CMSS1: variants seen among roughly 807,000 people sequenced by gnomAD.
The protein encoded by CMSS1 is protein CMSS1.
A neutral mutation model predicts 43.5 loss-of-function variants in CMSS1; 33 were observed. That is an observed-to-expected ratio of 0.76 (90% CI 0.57 to 1.01). The LOEUF (loss-of-function observed/expected upper bound fraction) is 1.01, where lower values mean the gene tolerates loss of function less well. Among genes scored for constraint, CMSS1 ranks in the 50% least tolerant of loss-of-function variants. The probability of loss-of-function intolerance (pLI) is 0.00; values close to 1 mark genes in which losing one functional copy is unlikely to be tolerated. For synonymous variants in CMSS1, 115 were observed against 117.2 expected, an observed-to-expected ratio of 0.98 and a Z score of 0.12; for missense variants, 313 against 326.4, an observed-to-expected ratio of 0.96 and a Z score of 0.32.
intron 1 of CMSS1, among the ~76,000 whole-genome samples, chr3:99,967,306 A>G (rs1383796930): frequency 3.9e-5 from 6 of 152,232 alleles, no homozygotes; most frequent in Admixed American, 2.0e-4. Context: ...TAGTGTTGGT[A>G]ATAATGCCTT....
intron 1 of CMSS1, chr3:99,924,174 C>T: frequency 7.0e-7 from 1 of 1,421,214 alleles, no homozygotes; most frequent in Non-Finnish European, 9.8e-7. Context: ...AGACCTGGTA[C>T]AGTGGCCAGC....
In CMSS1 at chr3:100,180,202, C is replaced by G. The variant is rs1467980199; in HGVS notation, c.*1814C>G. ...TTGGTGGGGCTGGGGAGGGCTGCCA[C>G]GAAGGTCTCTGAAGTGCCCTGGAGG... On this transcript the variant is annotated 3_prime_UTR_variant, in exon 10 of 10. Transcript: ENST00000421999. 6.6e-6 allele frequency: 1 copy of G among 152,234 alleles called. No individual in the cohort carries two copies. The highest frequency in any genetic ancestry group is 2.1e-4 in the South Asian group (1 of 4,830). The allele number at this position is 152,234 out of a possible 1,614,324, so 9.4% of individuals were successfully genotyped here.
At chr3:100,034,844 T>A (rs2065080045) in intron 1 of CMSS1, among the ~76,000 whole-genome samples, 1 of 152,214 alleles carries the variant, frequency 6.6e-6, no homozygotes. Flanking sequence ...GTAAACGGTA[T>A]ATACATACGA....
chr3:100,036,775 A>C (rs989370127), intron 1 of CMSS1, among the ~76,000 whole-genome samples: 2 of 152,100 alleles, frequency 1.3e-5, no homozygotes, highest in Non-Finnish European at 2.9e-5. Flanking sequence ...GGAGTAGAGA[A>C]GCCTGGTAGT....
At chr3:99,876,503 A>G (rs1217105060) in intron 1 of CMSS1, among the ~76,000 whole-genome samples, 4 of 152,222 alleles carry the variant, frequency 2.6e-5, no homozygotes, top group African/African-American at 9.6e-5. Flanking sequence ...TTGTTGCTTC[A>G]GGGACTTCAA....
At chr3:100,063,671 C>T (rs959558133) in intron 1 of CMSS1, among the ~76,000 whole-genome samples, 1 of 152,116 alleles carries the variant, frequency 6.6e-6, no homozygotes, top group Non-Finnish European at 1.5e-5. Context: ...TTAAATACCA[C>T]TTTTTAACTG....
intron 1 of CMSS1, among the ~76,000 whole-genome samples, chr3:99,993,724 A>T (rs1231511176): frequency 6.6e-6 from 1 of 152,130 alleles, no homozygotes; most frequent in Non-Finnish European, 1.5e-5. Flanking sequence ...TTCTGTGTAT[A>T]TTGAGATAAT....
chr3:99,842,053 A>T (rs938007135), intron 1 of CMSS1, among the ~76,000 whole-genome samples: 19 of 152,240 alleles, frequency 1.2e-4, no homozygotes, highest in Admixed American at 9.2e-4. Flanking sequence ...TGGCAGCACA[A>T]TTCGCAATTG....
intron 1 of CMSS1, among the ~76,000 whole-genome samples, chr3:100,138,670 A>G (rs763992126): frequency 6.6e-6 from 1 of 152,236 alleles, no homozygotes; most frequent in Non-Finnish European, 1.5e-5. Context: ...AATGGCAATT[A>G]TTAAAAAGTC....
chr3:100,134,724 T>C lies in CMSS1; in HGVS notation c.65-12249T>C, dbSNP rs534069786. Among the ~76,000 whole-genome samples, 13 of 152,294 alleles carry C rather than the reference T, an allele frequency of 8.5e-5. No individual in the cohort carries two copies. The South Asian group carries it at 2.7e-3, about 32-fold the overall frequency. On this transcript the variant is annotated intron_variant, in intron 1 of 9. Coordinates refer to ENST00000421999, the MANE Select transcript of CMSS1 (RefSeq NM_032359.4). ...TTGAACTCAATTAGGTTTAGGTTTT[T>C]TTGGAGGAGGGAGGCTGCCGGCCAC...
chr3:100,127,672 A>G (rs1484464680), intron 1 of CMSS1, among the ~76,000 whole-genome samples: 2 of 152,164 alleles, frequency 1.3e-5, no homozygotes, highest in Non-Finnish European at 2.9e-5. Flanking sequence ...TGGGACCATC[A>G]TCTCACTGCT....
At position 100,012,220 on chromosome 3, in the gene CMSS1, A is replaced by T. The variant is rs114320619; in HGVS notation, c.65-134753A>T. On this transcript the variant is annotated intron_variant, in intron 1 of 9. Coordinates refer to ENST00000421999, the MANE Select transcript of CMSS1 (RefSeq NM_032359.4). ...CCAAAAGGATAAAATATCTAAAATT[A>T]TTTGTTTTATATCTTTATACTAGAA... Among the ~76,000 whole-genome samples, 1,096 of 152,272 alleles carry T rather than the reference A, an allele frequency of 7.2e-3. 4 individuals are homozygous for T. Among genetic ancestry groups the T allele is most frequent in the African/African-American group, 1.0e-2 (415 of 41,546 alleles).
At chr3:100,120,628 T>C (rs2066611320) in intron 1 of CMSS1, among the ~76,000 whole-genome samples, 1 of 152,168 alleles carries the variant, frequency 6.6e-6, no homozygotes, top group African/African-American at 2.4e-5. Flanking sequence ...AACGTTGTCC[T>C]GTCTCTGTCG....
At chr3:100,106,307 T>C (rs2066394179) in intron 1 of CMSS1, among the ~76,000 whole-genome samples, 1 of 152,148 alleles carries the variant, frequency 6.6e-6, no homozygotes, top group Non-Finnish European at 1.5e-5. Context: ...GACTGAAAGC[T>C]CAGTCCTCTT....
rs112239795 is a variant in CMSS1, at chr3:100,150,558, C to G, written c.153+3497C>G. ...TTTGCCATAGCTGGGCCTCACATTT[C>G]TGTCGCTGAATACATGCCTCTAGTT... On this transcript the variant is annotated intron_variant, in intron 2 of 9. Coordinates refer to ENST00000421999, the MANE Select transcript of CMSS1 (RefSeq NM_032359.4). Among the ~76,000 whole-genome samples, 124 of 152,308 alleles carry G rather than the reference C, an allele frequency of 8.1e-4. 1 individual carries two copies. Among genetic ancestry groups the G allele is most frequent in the African/African-American group, 2.8e-3 (118 of 41,580 alleles).
At chr3:100,073,603 T>C (rs142768890) in intron 1 of CMSS1, among the ~76,000 whole-genome samples, 78 of 152,254 alleles carry the variant, frequency 5.1e-4, no homozygotes, top group African/African-American at 1.8e-3. Flanking sequence ...AATATCTTCA[T>C]TTAGCACATT....
intron 1 of CMSS1, among the ~76,000 whole-genome samples, chr3:99,973,629 G>T (rs1236816720): frequency 6.6e-6 from 1 of 152,138 alleles, no homozygotes; most frequent in Non-Finnish European, 1.5e-5. Context: ...CTATAGGTAA[G>T]TAAATAGATT....
At chr3:100,005,417 G>T (rs1009159215) in intron 1 of CMSS1, among the ~76,000 whole-genome samples, 7 of 152,244 alleles carry the variant, frequency 4.6e-5, no homozygotes, top group African/African-American at 1.7e-4. Flanking sequence ...ATCTCCTTGG[G>T]TGCTTATTAA....
intron 1 of CMSS1, among the ~76,000 whole-genome samples, chr3:99,928,552 G>T (rs143734042): frequency 2.0e-3 from 301 of 152,314 alleles, no homozygotes; most frequent in African/African-American, 6.8e-3. Flanking sequence ...TTTGTAGAAG[G>T]GGGGTATTTC....
Sources: gnomAD v4.1 joint callset for allele counts (sites outside exome capture counted in the v4.1 genomes callset) on GRCh38, gnomAD v4.1.1 for gene constraint, MANE v1.5 for transcripts, NCBI Gene and HGNC (gene_info 2026-07-23, HGNC 2026-07-21) for gene names.